BDH1: variants seen among roughly 807,000 people sequenced by gnomAD.
The protein encoded by BDH1 is D-beta-hydroxybutyrate dehydrogenase, mitochondrial.
Under a neutral mutation model 33.1 loss-of-function variants are expected in BDH1, and 30 were observed. That is an observed-to-expected ratio of 0.91 (90% CI 0.68 to 1.23). The LOEUF (loss-of-function observed/expected upper bound fraction) is 1.23. BDH1 is among the 50% of genes most tolerant of loss of function. The pLI is 0.00. For synonymous variants in BDH1, 190 were observed against 183.6 expected, an observed-to-expected ratio of 1.03 and a Z score of -0.28; for missense variants, 443 against 464.4, an observed-to-expected ratio of 0.95 and a Z score of 0.42.
chr3:197,510,946 T>G lies in BDH1; in HGVS notation c.*949A>C, dbSNP rs1711959013. 6.6e-6 allele frequency: 1 copy of G among 151,762 alleles called. No homozygotes were observed. Among genetic ancestry groups the G allele is most frequent in the Non-Finnish European group, 1.5e-5 (1 of 68,030 alleles). 9.4% of individuals were successfully genotyped at this position (151,762 alleles called of 1,614,324 possible). On this transcript the variant is annotated 3_prime_UTR_variant, in exon 8 of 8. Transcript: ENST00000392379. ...TGAGTCCTAAAAGAGGATGGAAAAATCTCAAGTAAAAATCTCATGCCTGTA... is the reference window on the plus strand; with the variant it reads ...TGAGTCCTAAAAGAGGATGGAAAAAGCTCAAGTAAAAATCTCATGCCTGTA...
chr3:197,552,554 G>T (rs892285942), intron 2 of BDH1, among the ~76,000 whole-genome samples: 1 of 152,270 alleles, frequency 6.6e-6, no homozygotes, highest in African/African-American at 2.4e-5. Flanking sequence ...CTTTCTTGCT[G>T]TCTTTGGAAC....
At chr3:197,556,672 C>CA (rs200359151), upstream of BDH1, among the ~76,000 whole-genome samples, 5,149 of 152,168 alleles carry the variant, frequency 0.034, 138 homozygotes, top group Middle Eastern at 0.051. Flanking sequence ...CTCACAAAAA[C>CA]AAAAAAATTA....
intron 4 of BDH1, 95 bp downstream of exon 4, chr3:197,533,393 TA>T: frequency 1.5e-6 from 2 of 1,295,820 alleles, no homozygotes; most frequent in Non-Finnish European, 2.2e-6. Flanking sequence ...CTGGAAACAC[TA>T]AGGCCCCACT....
chr3:197,548,041 C>T (rs774952083), intron 2 of BDH1, among the ~76,000 whole-genome samples: 24 of 152,212 alleles, frequency 1.6e-4, no homozygotes, highest in Admixed American at 7.2e-4. Context: ...GGTTCACCAC[C>T]AAATCCTCAG....
intron 3 of BDH1, among the ~76,000 whole-genome samples, chr3:197,545,474 C>G (rs946454188): frequency 6.6e-6 from 1 of 152,192 alleles, no homozygotes; most frequent in Non-Finnish European, 1.5e-5. Context: ...CCACACAAAC[C>G]CAAACTGAGA....
chr3:197,512,215 G>C lies in BDH1; in HGVS notation c.712C>G (p.Pro238Ala), dbSNP rs887386685. 1.2e-6 allele frequency: 2 copies of C among 1,613,848 alleles called. No individual in the cohort carries two copies. The highest frequency in any genetic ancestry group is 1.1e-5 in the South Asian group (1 of 91,086). ...CTGGTGGCAGCGATGAAGTTGCCGG[G>C]CTCCACCACGCTGACCTTCACGCCC... Reference protein sequence around the residue: ...PLGVKVSVVEPGNFIAATSLY... With the variant: ...PLGVKVSVVEAGNFIAATSLY... The change falls in exon 8 of 8, where the codon CCC (proline) becomes GCC (alanine). Residue 238 changes from proline (P) to alanine (A), a missense_variant. Transcript: ENST00000392379.
intron 1 of BDH1, among the ~76,000 whole-genome samples, chr3:197,561,613 G>A (rs1717264095): frequency 6.6e-6 from 1 of 152,190 alleles, no homozygotes; most frequent in Non-Finnish European, 1.5e-5. Flanking sequence ...AGAGTGCTCA[G>A]TGATCATATT....
chr3:197,536,311 C>A (rs576459008), intron 3 of BDH1, among the ~76,000 whole-genome samples: 146 of 152,240 alleles, frequency 9.6e-4, no homozygotes, highest in African/African-American at 3.4e-3. Context: ...CTTCAAAATT[C>A]TTTTAGCTAT....
chr3:197,548,055 C>G (rs965068880), intron 2 of BDH1, among the ~76,000 whole-genome samples: 1 of 152,254 alleles, frequency 6.6e-6, no homozygotes, highest in Non-Finnish European at 1.5e-5. Flanking sequence ...TCCTCAGTGC[C>G]TAGAACGAGC....
chr3:197,515,061 A>G (rs1447949680), intron 6 of BDH1, among the ~76,000 whole-genome samples: 1 of 152,212 alleles, frequency 6.6e-6, no homozygotes, highest in Non-Finnish European at 1.5e-5. Context: ...CTCAGAGCAG[A>G]GCTCCCATCC....
At chr3:197,536,205 C>T (rs1715139637) in intron 3 of BDH1, among the ~76,000 whole-genome samples, 1 of 152,146 alleles carries the variant, frequency 6.6e-6, no homozygotes, top group Admixed American at 6.5e-5. Context: ...TGCTTTTGCA[C>T]TTTTGTCAAA....
chr3:197,511,535 A>G lies in BDH1; in HGVS notation c.*360T>C, dbSNP rs1420022877. The G allele has an allele frequency of 3.6e-6, 1 of 280,484 alleles. No homozygotes were observed. The highest frequency in any genetic ancestry group is 4.9e-5 in the Admixed American group (1 of 20,316). The allele number at this position is 280,484 out of a possible 1,614,324, so 17.4% of individuals were successfully genotyped here. A position where few individuals can be genotyped will look rare whatever the true frequency, so the allele number is the denominator to read the frequency against. On this transcript the variant is annotated 3_prime_UTR_variant, in exon 8 of 8. Transcript: ENST00000392379. ...TTTAAGCTGCAAATGCTTCATTTAC[A>G]AAAGAAAAAAACCTGTCCTTTTCAT...
At chr3:197,537,285 G>A (rs963969666) in intron 3 of BDH1, among the ~76,000 whole-genome samples, 5 of 152,256 alleles carry the variant, frequency 3.3e-5, no homozygotes, top group Admixed American at 2.0e-4. Context: ...TACCACATCC[G>A]GTCGAAACTG....
chr3:197,549,528 C>T (rs960260938), intron 2 of BDH1, among the ~76,000 whole-genome samples: 3 of 152,134 alleles, frequency 2.0e-5, no homozygotes, highest in African/African-American at 4.8e-5. Context: ...GCAAGGTATC[C>T]GCAGCAAACC....
intron 3 of BDH1, among the ~76,000 whole-genome samples, chr3:197,540,099 G>A (rs1715474687): frequency 1.3e-5 from 2 of 151,938 alleles, no homozygotes; most frequent in Non-Finnish European, 2.9e-5. Flanking sequence ...CACCCAGACT[G>A]GAGTGCTGTG....
chr3:197,555,977 C>G (rs1255143960), upstream of BDH1: 2 of 152,240 alleles, frequency 1.3e-5, no homozygotes, highest in South Asian at 2.1e-4. Flanking sequence ...ACACGCGAAG[C>G]GCGCGCTGGG....
chr3:197,534,477 A>C (rs1024347401), intron 3 of BDH1, among the ~76,000 whole-genome samples: 13 of 152,162 alleles, frequency 8.5e-5, no homozygotes. Context: ...CTATTTACCT[A>C]CTGAAGGACA....
intron 6 of BDH1, among the ~76,000 whole-genome samples, chr3:197,519,916 G>A (rs753207846): frequency 1.3e-5 from 2 of 152,068 alleles, no homozygotes; most frequent in African/African-American, 4.8e-5. Context: ...CTGGCTCCCC[G>A]GGCTTTGGCA....
At position 197,544,235 on chromosome 3, in the gene BDH1, G is replaced by A. The variant is rs115044848; in HGVS notation, c.83+2126C>T. 1.6e-3 allele frequency among the ~76,000 whole-genome samples: 248 copies of A among 152,122 alleles called. 2 individuals carry two copies. Among genetic ancestry groups the A allele is most frequent in the African/African-American group, 5.4e-3 (225 of 41,496 alleles). ...CACGCTGCCCATACCTTCACCCTACGACATTGACTCTACTCTGACAGCTCT... is the reference window on the plus strand; with the variant it reads ...CACGCTGCCCATACCTTCACCCTACAACATTGACTCTACTCTGACAGCTCT... On this transcript the variant is annotated intron_variant, in intron 3 of 7. Coordinates refer to ENST00000392379, the MANE Select transcript of BDH1 (RefSeq NM_203314.3).
Sources: gnomAD v4.1 joint callset for allele counts (sites outside exome capture counted in the v4.1 genomes callset) on GRCh38, gnomAD v4.1.1 for gene constraint, MANE v1.5 for transcripts, NCBI Gene and HGNC (gene_info 2026-07-23, HGNC 2026-07-21) for gene names.